Variants in TLCD3B observed in about 807,000 individuals in gnomAD.
TLCD3B encodes TLC domain containing 3B, also known as ceramide synthase.
In TLCD3B, 9 loss-of-function variants were observed where a neutral mutation model predicts 23.0. The observed-to-expected ratio is 0.39, with a 90% CI of 0.24 to 0.68. The LOEUF (loss-of-function observed/expected upper bound fraction) is 0.68. Among genes scored for constraint, TLCD3B ranks in the 30% least tolerant of loss-of-function variants. TLCD3B has a pLI of 0.44. For missense variants in TLCD3B, 307 were observed against 371.8 expected, an observed-to-expected ratio of 0.83 and a Z score of 1.43; for synonymous variants, 161 against 161.0, an observed-to-expected ratio of 1.00 and a Z score of 0.00.
intron 3 of TLCD3B, among the ~76,000 whole-genome samples, chr16:30,038,490 G>A (rs1048956315): frequency 6.6e-6 from 1 of 152,092 alleles, no homozygotes; most frequent in Non-Finnish European, 1.5e-5. Flanking sequence ...AGTGGCTCAC[G>A]CCTGTAATCC....
intron 2 of TLCD3B, chr16:30,027,762 TA>T: frequency 4.6e-6 from 2 of 432,640 alleles, no homozygotes; most frequent in South Asian, 1.7e-5. Flanking sequence ...TTAAATCCTG[TA>T]GTCCCAAGAC....
At chr16:30,035,418 G>A (rs769510964), upstream of TLCD3B, 14 of 1,289,478 alleles carry the variant, frequency 1.1e-5, no homozygotes, top group Non-Finnish European at 1.4e-5. Context: ...AAGCCCCAGC[G>A]CAGGGCAGTG....
At position 30,030,740 on chromosome 16, in the gene TLCD3B, G is replaced by A; in HGVS notation, c.-213C>T. The stretch of plus-strand genomic sequence containing the variant: ...GAGGGGGCTGGCTGGGCAGAGACGG[G>A]GGAGGGGAGGATGGGAGAAGGGGAG... On this transcript the variant is annotated 5_prime_UTR_variant, in exon 1 of 5. Transcript: ENST00000380495. 8.2e-7 allele frequency: 1 copy of A among 1,213,116 alleles called. No individual in the cohort carries two copies. The highest frequency in any genetic ancestry group is 1.0e-6 in the Non-Finnish European group (1 of 966,974). 75.1% of individuals were successfully genotyped at this position (1,213,116 alleles called of 1,614,324 possible). A position where few individuals can be genotyped will look rare whatever the true frequency, so the allele number is the denominator to read the frequency against.
intron 3 of TLCD3B, among the ~76,000 whole-genome samples, chr16:30,037,441 G>A (rs2071495329): frequency 1.3e-5 from 2 of 151,722 alleles, no homozygotes; most frequent in South Asian, 4.2e-4. Flanking sequence ...TACTCCGGAG[G>A]CTGAGGCAGG....
chr16:30,036,347 C>T (rs1228294130), intron 3 of TLCD3B: 43 of 1,288,588 alleles, frequency 3.3e-5, no homozygotes, highest in Non-Finnish European at 4.1e-5. Flanking sequence ...CAGGTGCAAG[C>T]CTGAAACTAC....
intron 1 of TLCD3B, among the ~76,000 whole-genome samples, chr16:30,049,294 C>T (rs1401642918): frequency 6.6e-6 from 1 of 152,126 alleles, no homozygotes; most frequent in Middle Eastern, 3.2e-3. Flanking sequence ...GGCTGGTGAA[C>T]CTCTTCTTAA....
upstream of TLCD3B, among the ~76,000 whole-genome samples, chr16:30,032,362 G>A (rs1269432913): frequency 6.6e-6 from 1 of 152,128 alleles, no homozygotes; most frequent in African/African-American, 2.4e-5. Flanking sequence ...CCCACTCCTC[G>A]CCTCCCCCAA....
At chr16:30,047,781 A>G (rs1319109169) in intron 1 of TLCD3B, among the ~76,000 whole-genome samples, 10 of 146,524 alleles carry the variant, frequency 6.8e-5, no homozygotes, top group Admixed American at 6.8e-4. Flanking sequence ...TTTTTTTGAG[A>G]TAGTGTCTCA....
intron 2 of TLCD3B, chr16:30,027,515 C>T: frequency 2.2e-6 from 1 of 451,592 alleles, no homozygotes; most frequent in Non-Finnish European, 4.5e-6. Flanking sequence ...CAGAGACAGA[C>T]CCTGTTGGCA....
intron 3 of TLCD3B, among the ~76,000 whole-genome samples, chr16:30,037,392 A>G (rs1030079825): frequency 4.0e-5 from 6 of 151,228 alleles, no homozygotes; most frequent in Non-Finnish European, 7.4e-5. Flanking sequence ...AATACAAAAA[A>G]TTTAGCCAGG....
chr16:30,035,004 C>T (rs1246791466), upstream of TLCD3B, among the ~76,000 whole-genome samples: 2 of 151,810 alleles, frequency 1.3e-5, no homozygotes, highest in Admixed American at 1.3e-4. Context: ...CTCCACCTCC[C>T]GAGTTCATGT....
At chr16:30,045,867 C>T (rs1434140084) in intron 2 of TLCD3B, among the ~76,000 whole-genome samples, 1 of 152,068 alleles carries the variant, frequency 6.6e-6, no homozygotes, top group Non-Finnish European at 1.5e-5. Flanking sequence ...AAGGGAGACA[C>T]ACCAGCCTGT....
At chr16:30,044,436 T>C (rs148895288) in intron 2 of TLCD3B, among the ~76,000 whole-genome samples, 1,880 of 152,026 alleles carry the variant, frequency 0.012, 46 homozygotes, top group African/African-American at 0.042. Flanking sequence ...GCCTCCCGAG[T>C]AGCTGGGATT....
chr16:30,037,453 G>C lies in TLCD3B; in HGVS notation c.-66-1239C>G, dbSNP rs548388744. ...AGCTACTCCGGAGGCTGAGGCAGGA[G>C]AATGGCGTGAACCTGGGAGGCGGAG... On this transcript the variant is annotated intron_variant, in intron 3 of 6. Transcript: ENST00000561666. Among the ~76,000 whole-genome samples, 16 of 151,308 alleles carry C rather than the reference G, an allele frequency of 1.1e-4. No homozygotes were observed. The South Asian group carries it at 1.2e-3, about 12-fold the overall frequency.
chr16:30,031,484 C>T (rs896521072), upstream of TLCD3B, among the ~76,000 whole-genome samples: 3 of 152,196 alleles, frequency 2.0e-5, no homozygotes, highest in African/African-American at 7.2e-5. Context: ...TGCTTCCCAT[C>T]AGCACTTTGC....
intron 3 of TLCD3B, among the ~76,000 whole-genome samples, chr16:30,040,133 CAAAA>C (rs1205462051): frequency 1.2e-5 from 1 of 84,850 alleles, no homozygotes; most frequent in Non-Finnish European, 2.2e-5. Context: ...GACTTTGTCT[CAAAA>C]AAAAAAAAAA....
intron 3 of TLCD3B, among the ~76,000 whole-genome samples, chr16:30,038,989 T>C (rs1265119222): frequency 6.6e-6 from 1 of 151,756 alleles, no homozygotes; most frequent in Non-Finnish European, 1.5e-5. Context: ...ATAAACTTAT[T>C]TTCCTAAGGA....
At chr16:30,034,719 C>T (rs943611871), upstream of TLCD3B, among the ~76,000 whole-genome samples, 1 of 152,160 alleles carries the variant, frequency 6.6e-6, no homozygotes, top group Non-Finnish European at 1.5e-5. Context: ...GCAGAGCCCA[C>T]AGCCCTCATA....
chr16:30,025,900 T>A lies in TLCD3B; in HGVS notation c.445-79A>T. The A allele has an allele frequency of 8.9e-7, 1 of 1,127,130 alleles. No individual in the cohort carries two copies. The highest frequency in any genetic ancestry group is 1.3e-6 in the Non-Finnish European group (1 of 757,032). The allele number at this position is 1,127,130 out of a possible 1,614,324, so 69.8% of individuals were successfully genotyped here. A position where few individuals can be genotyped will look rare whatever the true frequency, so the allele number is the denominator to read the frequency against. Reference sequence around the variant, plus strand: ...CAGCCCCCGCCCTTCCTCTTTCCCCTCTGTCACTTTGGGAGATGCTTGACT... The same window carrying A: ...CAGCCCCCGCCCTTCCTCTTTCCCCACTGTCACTTTGGGAGATGCTTGACT... On this transcript the variant is annotated intron_variant, in intron 3 of 4. Coordinates refer to ENST00000380495, the MANE Select transcript of TLCD3B (RefSeq NM_031478.6). This position sits in a 1 kb window ranked among gnomAD's most constrained non-coding sequence, Gnocchi z 4.1.
Sources: allele counts gnomAD v4.1 joint callset (sites outside exome capture counted in the v4.1 genomes callset), GRCh38; gene constraint gnomAD v4.1.1; non-coding constraint Gnocchi (gnomAD v3.1); transcripts MANE v1.5; gene names NCBI Gene and HGNC (gene_info 2026-07-23, HGNC 2026-07-21).